Variants in PDS5A observed in about 807,000 individuals in gnomAD.
PDS5A encodes the protein PDS5 cohesin associated factor A.
A neutral mutation model predicts 167.1 loss-of-function variants in PDS5A; 42 were observed. That is an observed-to-expected ratio of 0.25 (90% CI 0.20 to 0.33). The LOEUF (loss-of-function observed/expected upper bound fraction) is 0.33, where lower values mean the gene tolerates loss of function less well. Among genes scored for constraint, PDS5A ranks in the 10% least tolerant of loss-of-function variants. The probability of loss-of-function intolerance (pLI) is 1.00; values close to 1 mark genes in which losing one functional copy is unlikely to be tolerated. For missense variants in PDS5A, 1,033 were observed against 1,605.9 expected (o/e 0.64, Z 6.10); for synonymous variants, 553 against 554.6 (o/e 1.00, Z 0.04).
At chr4:39,939,199 TC>T (rs1726980820) in intron 2 of PDS5A, among the ~76,000 whole-genome samples, 1 of 152,108 alleles carries the variant, frequency 6.6e-6, no homozygotes, top group Non-Finnish European at 1.5e-5. Flanking sequence ...GTACAGTGGC[TC>T]ATGCCCGTAA....
At chr4:39,875,232 A>G (rs1720361994) in intron 19 of PDS5A, among the ~76,000 whole-genome samples, 1 of 152,214 alleles carries the variant, frequency 6.6e-6, no homozygotes, top group Non-Finnish European at 1.5e-5. Context: ...AAAAAGCATT[A>G]GGTAGAATGA....
chr4:39,973,536 A>G, intron 2 of PDS5A: 3 of 1,327,138 alleles, frequency 2.3e-6, no homozygotes, highest in South Asian at 1.2e-5. Context: ...CATTTGGTAC[A>G]ATCACTAGTG....
Position 39,945,458 on chromosome 4 carries a change from C to CAAA in PDS5A, c.139-17297_139-17295dup, listed in dbSNP as rs1210256217. On this transcript the variant is annotated intron_variant, in intron 2 of 32. Coordinates refer to ENST00000303538, the MANE Select transcript of PDS5A (RefSeq NM_001100399.2). ...CCTGGGCGACAGAGCGAGACTGCCTCAAAAAAAAAAAAAAAAAAAAAAATT... is the reference window on the plus strand; with the variant it reads ...CCTGGGCGACAGAGCGAGACTGCCTCAAAAAAAAAAAAAAAAAAAAAAAAAATT... 4.9e-4 allele frequency among the ~76,000 whole-genome samples: 33 copies of CAAA among 66,808 alleles called. 1 individual carries two copies. The highest frequency in any genetic ancestry group is 1.2e-3 in the African/African-American group (23 of 18,586). The allele number at this position is 66,808 out of a possible 152,430, so 43.8% of individuals were successfully genotyped here.
chr4:39,874,275 T>C lies in PDS5A; in HGVS notation c.2277+14A>G, dbSNP rs748138109. 2.5e-6 allele frequency: 4 copies of C among 1,603,146 alleles called. No homozygotes were observed. Among genetic ancestry groups the C allele is most frequent in the East Asian group, 4.5e-5 (2 of 44,816 alleles). ...TAAAGACCAATATAAACACAACCTA[T>C]ATATTAGATATACCTCAAAAATCTG... On this transcript the variant is annotated intron_variant, in intron 20 of 32. Transcript: ENST00000303538.
intron 17 of PDS5A, among the ~76,000 whole-genome samples, chr4:39,884,208 T>C (rs922956927): frequency 2.6e-5 from 4 of 152,228 alleles, no homozygotes; most frequent in African/African-American, 7.2e-5. Context: ...ATTACACGCA[T>C]GAGCCACCAT....
chr4:39,917,068 G>T lies in PDS5A; in HGVS notation c.856C>A (p.Gln286Lys). Residue 286 changes from glutamine to lysine, a missense_variant, in exon 8 of 33, where the codon CAG becomes AAG. Physicochemically the swap from Gln to Lys is moderately conservative, Grantham distance 53. This residue lies in a region of PDS5A where 388 missense variants were observed against 615.1 expected (regional missense o/e 0.63). Transcript: ENST00000303538. ...DPHLLLSVMP[Q>K]LEFKLKSNDG... ...CTTACCTTTAGTTTGAATTCAAGCT[G>T]TGGCATGACGGATAATAATAAATGA... 6.6e-7 allele frequency: 1 copy of T among 1,516,568 alleles called. No individual in the cohort carries two copies. The highest frequency in any genetic ancestry group is 8.8e-7 in the Non-Finnish European group (1 of 1,136,796). The allele number at this position is 1,516,568 out of a possible 1,614,324, so 93.9% of individuals were successfully genotyped here.
chr4:39,924,225 A>G (rs1291304111), intron 5 of PDS5A, among the ~76,000 whole-genome samples: 1 of 152,194 alleles, frequency 6.6e-6, no homozygotes, highest in Non-Finnish European at 1.5e-5. Context: ...TATCCTGCCA[A>G]CTGACTACAA....
chr4:39,918,446 C>T (rs923738760), intron 7 of PDS5A, among the ~76,000 whole-genome samples: 3 of 152,138 alleles, frequency 2.0e-5, no homozygotes, highest in African/African-American at 7.2e-5. Flanking sequence ...CACCGTCACA[C>T]ATGCAGAAGA....
At chr4:39,941,209 T>G (rs944238506) in intron 2 of PDS5A, among the ~76,000 whole-genome samples, 1 of 152,220 alleles carries the variant, frequency 6.6e-6, no homozygotes, top group African/African-American at 2.4e-5. Flanking sequence ...ATTTAAAAAT[T>G]TGTGTAGTCC....
At chr4:39,872,735 C>T in intron 21 of PDS5A, 1 of 264,296 alleles carries the variant, frequency 3.8e-6, no homozygotes, top group South Asian at 1.4e-4. Context: ...ATAGCTTTTA[C>T]TTATATGTAA....
chr4:39,919,338 A>G (rs1178018893), intron 7 of PDS5A, among the ~76,000 whole-genome samples: 2 of 152,206 alleles, frequency 1.3e-5, no homozygotes, highest in African/African-American at 4.8e-5. Flanking sequence ...AAATACAAAT[A>G]TGACGATAAA....
chr4:39,831,975 G>A (rs1715937320), intron 32 of PDS5A, among the ~76,000 whole-genome samples: 1 of 150,132 alleles, frequency 6.7e-6, no homozygotes, highest in Admixed American at 6.7e-5. Flanking sequence ...TTAGCCGGGT[G>A]TGGTGGCGCA....
chr4:39,831,342 GC>G lies in PDS5A; in HGVS notation c.4011-5855del, dbSNP rs952292513. ...TCTTGAACTCCTGACCTCGTGATCTGCCCACCTTGGCATCCTAAAGTGCTGG... is the reference window on the plus strand; with the variant it reads ...TCTTGAACTCCTGACCTCGTGATCTGCCACCTTGGCATCCTAAAGTGCTGG... On this transcript the variant is annotated intron_variant, in intron 32 of 32. Coordinates refer to ENST00000303538, the MANE Select transcript of PDS5A (RefSeq NM_001100399.2). Among the ~76,000 whole-genome samples the G allele has an allele frequency of 3.4e-4, 52 of 151,910 alleles. 1 individual carries two copies. The highest frequency in any genetic ancestry group is 3.4e-3 in the Admixed American group (52 of 15,256).
chr4:39,946,435 A>C (rs1260446312), intron 2 of PDS5A, among the ~76,000 whole-genome samples: 1 of 152,056 alleles, frequency 6.6e-6, no homozygotes, highest in South Asian at 2.1e-4. Flanking sequence ...TCGCCTTCCT[A>C]TATCAGTTGC....
chr4:39,918,044 T>G (rs984746647), intron 7 of PDS5A, among the ~76,000 whole-genome samples: 3 of 151,776 alleles, frequency 2.0e-5, no homozygotes, highest in African/African-American at 7.3e-5. Flanking sequence ...CTGGGTGTGG[T>G]AGTGCATGCC....
intron 17 of PDS5A, among the ~76,000 whole-genome samples, chr4:39,883,144 C>T (rs764412004): frequency 2.0e-5 from 3 of 152,126 alleles, no homozygotes; most frequent in Admixed American, 6.6e-5. Flanking sequence ...ATTCCCCTTC[C>T]CTTATCTGCA....
At chr4:39,853,640 A>T (rs1038148011) in intron 26 of PDS5A, among the ~76,000 whole-genome samples, 4 of 151,932 alleles carry the variant, frequency 2.6e-5, no homozygotes, top group African/African-American at 4.8e-5. Context: ...AGATCCCACC[A>T]CCCCATAAAT....
intron 2 of PDS5A, among the ~76,000 whole-genome samples, chr4:39,972,033 T>C (rs776801927): frequency 3.3e-5 from 5 of 152,142 alleles, no homozygotes; most frequent in African/African-American, 4.8e-5. Flanking sequence ...CAGTAGGACA[T>C]TGAAGTTGGT....
intron 9 of PDS5A, among the ~76,000 whole-genome samples, chr4:39,911,882 AC>A (rs1723928380): frequency 6.6e-6 from 1 of 151,662 alleles, no homozygotes; most frequent in South Asian, 2.1e-4. Flanking sequence ...AAGGTAAGGA[AC>A]CCTCAAATTT....
Sources: gnomAD v4.1 joint callset for allele counts (sites outside exome capture counted in the v4.1 genomes callset) on GRCh38, gnomAD v4.1.1 for gene constraint, gnomAD v4.1.1 regional missense constraint, MANE v1.5 for transcripts, NCBI Gene and HGNC (gene_info 2026-07-23, HGNC 2026-07-21) for gene names.